Variants in GABBR2 observed in about 807,000 individuals in gnomAD.
GABBR2 encodes G-protein coupled receptor 51.
In GABBR2, 23 loss-of-function variants were observed where a neutral mutation model predicts 105.6. The observed-to-expected ratio is 0.22, with a 90% CI of 0.16 to 0.31. The LOEUF is 0.31. Among genes scored for constraint, GABBR2 ranks in the 10% least tolerant of loss-of-function variants. GABBR2 has a pLI of 1.00. For synonymous variants in GABBR2, 478 were observed against 499.7 expected, an observed-to-expected ratio of 0.96 and a Z score of 0.58; for missense variants, 734 against 1,245.5, an observed-to-expected ratio of 0.59 and a Z score of 6.18.
rs900865820 is a variant in GABBR2 at position 98,447,162 on chromosome 9, C to T, written c.1236+6819G>A. 7.7e-5 allele frequency among the ~76,000 whole-genome samples: 9 copies of T among 117,468 alleles called. 1 individual carries two copies. The highest frequency in any genetic ancestry group is 2.8e-4 in the East Asian group (1 of 3,616). 77.1% of individuals were successfully genotyped at this position (117,468 alleles called of 152,430 possible). A position where few individuals can be genotyped will look rare whatever the true frequency, so the allele number is the denominator to read the frequency against. On this transcript the variant is annotated intron_variant, in intron 7 of 18. Coordinates refer to ENST00000259455, the MANE Select transcript of GABBR2 (RefSeq NM_005458.8). ...CTGCAAGCTCCGCCTCCCGGGTTCA[C>T]GCCATTCTCCTGCCTCAGCCTCCCA...
chr9:98,445,611 G>T (rs772282588), intron 7 of GABBR2, among the ~76,000 whole-genome samples: 2 of 152,242 alleles, frequency 1.3e-5, no homozygotes, highest in Non-Finnish European at 2.9e-5. Context: ...ATGAAGGTGA[G>T]CCTCAGCCTG....
chr9:98,596,381 C>T (rs1829233873), intron 1 of GABBR2, among the ~76,000 whole-genome samples: 1 of 152,160 alleles, frequency 6.6e-6, no homozygotes. Context: ...GCTGAATTTT[C>T]CCAATGGGGG....
chr9:98,587,643 A>G (rs1829096040), intron 1 of GABBR2, among the ~76,000 whole-genome samples: 1 of 152,250 alleles, frequency 6.6e-6, no homozygotes, highest in African/African-American at 2.4e-5. Context: ...AGAAGAGGGA[A>G]GAGAAGTTGT....
intron 1 of GABBR2, among the ~76,000 whole-genome samples, chr9:98,623,838 A>C (rs944156629): frequency 6.6e-6 from 1 of 152,226 alleles, no homozygotes; most frequent in Non-Finnish European, 1.5e-5. Flanking sequence ...CTATGTAGAA[A>C]GTAAGATAGC....
chr9:98,536,252 C>T (rs1588217061), intron 3 of GABBR2, among the ~76,000 whole-genome samples: 1 of 152,180 alleles, frequency 6.6e-6, no homozygotes, highest in Non-Finnish European at 1.5e-5. Flanking sequence ...TCTCCATAAG[C>T]TCACATCCTA....
chr9:98,306,466 G>T lies in GABBR2; in HGVS notation c.2005-121C>A. The stretch of plus-strand genomic sequence containing the variant: ...AGGTGGGCTGCAGGGAGGGAGGGTC[G>T]GGGGCCTTGCTGTCAGCCGGGTCTT... On this transcript the variant is annotated intron_variant, in intron 14 of 18. Coordinates refer to ENST00000259455, the MANE Select transcript of GABBR2 (RefSeq NM_005458.8). This position sits in a 1 kb window ranked among gnomAD's most constrained non-coding sequence, Gnocchi z 5.4. The T allele has an allele frequency of 1.5e-6, 1 of 667,308 alleles. No individual in the cohort carries two copies. 41.3% of individuals were successfully genotyped at this position (667,308 alleles called of 1,614,324 possible). A position where few individuals can be genotyped will look rare whatever the true frequency, so the allele number is the denominator to read the frequency against.
At chr9:98,643,912 G>A (rs1298330808) in intron 1 of GABBR2, among the ~76,000 whole-genome samples, 1 of 152,206 alleles carries the variant, frequency 6.6e-6, no homozygotes, top group Non-Finnish European at 1.5e-5. Flanking sequence ...GGACAAGGGA[G>A]CCAAGTCCTG....
chr9:98,362,038 C>T (rs985140547), intron 13 of GABBR2, among the ~76,000 whole-genome samples: 1 of 152,182 alleles, frequency 6.6e-6, no homozygotes, highest in African/African-American at 2.4e-5. Context: ...GAGTTTGTTA[C>T]ACTCTACCGA....
chr9:98,423,455 T>A (rs1464497937), intron 7 of GABBR2, among the ~76,000 whole-genome samples: 2 of 152,228 alleles, frequency 1.3e-5, no homozygotes, highest in African/African-American at 4.8e-5. Flanking sequence ...TTGATGGGGT[T>A]GTTTTTTTCT....
intron 7 of GABBR2, among the ~76,000 whole-genome samples, chr9:98,413,453 T>G (rs932093590): frequency 7.4e-6 from 1 of 134,582 alleles, no homozygotes; most frequent in African/African-American, 3.9e-5. Flanking sequence ...AAAATATTCT[T>G]TTTTTTTTCT....
At chr9:98,478,383 A>G (rs1826837728) in intron 5 of GABBR2, among the ~76,000 whole-genome samples, 1 of 152,166 alleles carries the variant, frequency 6.6e-6, no homozygotes, top group Admixed American at 6.5e-5. Flanking sequence ...TGGACCTTCC[A>G]GAAGAACTCC....
chr9:98,653,846 C>T (rs891061581), intron 1 of GABBR2, among the ~76,000 whole-genome samples: 1 of 152,142 alleles, frequency 6.6e-6, no homozygotes, highest in Admixed American at 6.5e-5. Flanking sequence ...ACTGAGTCCT[C>T]GTATTTAGTG....
intron 1 of GABBR2, among the ~76,000 whole-genome samples, chr9:98,590,514 C>A (rs1395847830): frequency 6.6e-6 from 1 of 152,264 alleles, no homozygotes; most frequent in African/African-American, 2.4e-5. Flanking sequence ...GTCAGTAAGC[C>A]TCCCCACATA....
intron 7 of GABBR2, among the ~76,000 whole-genome samples, chr9:98,436,376 T>TATACACACACACACC (rs1825920575): frequency 6.3e-5 from 3 of 47,814 alleles, no homozygotes; most frequent in Non-Finnish European, 1.0e-4. Flanking sequence ...TATATATATA[T>TATACACACACACACC]ATATATATAT....
chr9:98,457,818 C>T (rs900910010), intron 6 of GABBR2, among the ~76,000 whole-genome samples: 1 of 152,200 alleles, frequency 6.6e-6, no homozygotes, highest in South Asian at 2.1e-4. Flanking sequence ...CAGGAAGAAA[C>T]GCACTCACAA....
At chr9:98,367,418 G>A (rs919923900) in intron 12 of GABBR2, among the ~76,000 whole-genome samples, 1 of 152,046 alleles carries the variant, frequency 6.6e-6, no homozygotes, top group Non-Finnish European at 1.5e-5. Flanking sequence ...GAGGTTCCTA[G>A]AGGAGTCAAA....
At chr9:98,396,033 C>A (rs1588139379) in intron 8 of GABBR2, among the ~76,000 whole-genome samples, 1 of 152,272 alleles carries the variant, frequency 6.6e-6, no homozygotes, top group Middle Eastern at 3.4e-3. Context: ...TTGCCTAGGG[C>A]CCCAGTGGTA....
At chr9:98,699,644 G>A (rs985705276) in intron 1 of GABBR2, among the ~76,000 whole-genome samples, 6 of 152,164 alleles carry the variant, frequency 3.9e-5, no homozygotes, top group African/African-American at 1.4e-4. Flanking sequence ...CCCTTTTGGT[G>A]CTAACAGTGG....
intron 12 of GABBR2, among the ~76,000 whole-genome samples, chr9:98,369,823 G>C (rs1426039719): frequency 2.0e-5 from 3 of 152,052 alleles, no homozygotes; most frequent in Non-Finnish European, 4.4e-5. Flanking sequence ...TGGTGGGTGG[G>C]GAATTGAATT....
Sources: gnomAD v4.1 joint callset for allele counts (sites outside exome capture counted in the v4.1 genomes callset) on GRCh38, gnomAD v4.1.1 for gene constraint, Gnocchi (gnomAD v3.1) non-coding constraint, MANE v1.5 for transcripts, NCBI Gene and HGNC (gene_info 2026-07-23, HGNC 2026-07-21) for gene names.